RANBP2: variants seen among roughly 807,000 people sequenced by gnomAD.
RANBP2 encodes RAN binding protein 2.
A neutral mutation model predicts 303.6 loss-of-function variants in RANBP2; 57 were observed. The ratio of observed to expected loss-of-function variants is 0.19; its 90% confidence interval spans 0.15 to 0.23. The LOEUF (loss-of-function observed/expected upper bound fraction) is 0.23. Among genes scored for constraint, RANBP2 ranks in the 10% least tolerant of loss-of-function variants. RANBP2 has a pLI of 1.00. For synonymous variants in RANBP2, 1,167 were observed against 1,301.5 expected, an observed-to-expected ratio of 0.90 and a Z score of 2.23; for missense variants, 3,138 against 3,780.8, an observed-to-expected ratio of 0.83 and a Z score of 4.46.
chr2:108,792,842 A>G, the RANBP2 span, among the ~76,000 whole-genome samples: 3 of 152,124 alleles, frequency 2.0e-5, no homozygotes, highest in East Asian at 5.8e-4. Flanking sequence ...AGGCGGGTGG[A>G]TCACGAGGTC....
the RANBP2 span, among the ~76,000 whole-genome samples, chr2:108,820,612 G>A: frequency 1.3e-5 from 2 of 150,264 alleles, no homozygotes; most frequent in South Asian, 4.2e-4. Flanking sequence ...AGCTGGTCAC[G>A]TTCAAGGGAG....
chr2:109,169,297 G>T, the RANBP2 span, among the ~76,000 whole-genome samples: 9 of 151,780 alleles, frequency 5.9e-5, no homozygotes, highest in African/African-American at 2.2e-4. Context: ...TATTATTTTT[G>T]CCAAGTTCAT....
the RANBP2 span, among the ~76,000 whole-genome samples, chr2:109,391,481 C>T: frequency 6.6e-6 from 1 of 152,234 alleles, no homozygotes; most frequent in Non-Finnish European, 1.5e-5. Context: ...ACACAGGTCT[C>T]CAGCACACTC....
the RANBP2 span, among the ~76,000 whole-genome samples, chr2:109,422,745 T>C: frequency 6.6e-6 from 1 of 152,132 alleles, no homozygotes; most frequent in African/African-American, 2.4e-5. Flanking sequence ...GTTGATGAAA[T>C]GCTGTGAGTA....
chr2:109,002,169 G>C, the RANBP2 span, among the ~76,000 whole-genome samples: 1 of 152,238 alleles, frequency 6.6e-6, no homozygotes, highest in African/African-American at 2.4e-5. Context: ...CCTGCCTCCA[G>C]GCGATGCTTC....
chr2:109,441,380 A>G, the RANBP2 span, among the ~76,000 whole-genome samples: 1 of 152,242 alleles, frequency 6.6e-6, no homozygotes, highest in Non-Finnish European at 1.5e-5. Context: ...ACTTCTAGAA[A>G]TAAAAACTAC....
chr2:109,546,195 C>A, the RANBP2 span: 2 of 1,604,624 alleles, frequency 1.2e-6, no homozygotes, highest in Non-Finnish European at 1.7e-6. Flanking sequence ...TTCATTCTCT[C>A]TTCTTGGTGA....
At chr2:109,667,380 G>C in the RANBP2 span, 1 of 460,694 alleles carries the variant, frequency 2.2e-6, no homozygotes, top group Middle Eastern at 3.6e-4. Flanking sequence ...ACTCAGTTTT[G>C]ATCAGGAGGG....
chr2:108,886,971 G>C, the RANBP2 span, among the ~76,000 whole-genome samples: 503 of 152,140 alleles, frequency 3.3e-3, 1 homozygote, highest in African/African-American at 0.011. Flanking sequence ...CTTTCCCTGA[G>C]AGTTTTCCCT....
At chr2:109,166,417 TG>T in the RANBP2 span, among the ~76,000 whole-genome samples, 1 of 146,462 alleles carries the variant, frequency 6.8e-6, no homozygotes, top group Non-Finnish European at 1.5e-5. Flanking sequence ...GCGGAGGTTG[TG>T]GTGAGCTGAG....
the RANBP2 span, among the ~76,000 whole-genome samples, chr2:108,978,381 TC>T: frequency 6.6e-6 from 1 of 152,150 alleles, no homozygotes; most frequent in Admixed American, 6.5e-5. Flanking sequence ...TACAAAAAGC[TC>T]AGTAAAAAAA....
chr2:109,116,138 T>C, the RANBP2 span, among the ~76,000 whole-genome samples: 10 of 152,310 alleles, frequency 6.6e-5, no homozygotes, highest in East Asian at 1.7e-3. Context: ...GGAGTATCTT[T>C]GTGGCGTTCT....
the RANBP2 span, among the ~76,000 whole-genome samples, chr2:109,633,287 G>A: frequency 6.6e-6 from 1 of 152,084 alleles, no homozygotes; most frequent in African/African-American, 2.4e-5. Flanking sequence ...CAGCTACTCG[G>A]GAGGCTGAGG....
chr2:109,552,998 G>C, the RANBP2 span: 1 of 1,460,826 alleles, frequency 6.8e-7, no homozygotes, highest in South Asian at 1.3e-5. Flanking sequence ...GCCTACAAAA[G>C]AGTCTCAAGC....
the RANBP2 span, among the ~76,000 whole-genome samples, chr2:109,142,655 C>T: frequency 6.6e-6 from 1 of 152,112 alleles, no homozygotes; most frequent in Non-Finnish European, 1.5e-5. Flanking sequence ...CATCTTGGAG[C>T]CCTCCATCCT....
the RANBP2 span, among the ~76,000 whole-genome samples, chr2:109,727,496 A>AT: frequency 6.6e-6 from 1 of 152,316 alleles, no homozygotes; most frequent in South Asian, 2.1e-4. Context: ...CACTACATGT[A>AT]CCTGCTCAAT....
chr2:109,207,724 C>T, the RANBP2 span, among the ~76,000 whole-genome samples: 2 of 152,242 alleles, frequency 1.3e-5, no homozygotes, highest in East Asian at 3.9e-4. Flanking sequence ...GGAAGACTTA[C>T]CTGAGACTGA....
At chr2:109,252,648 G>A in the RANBP2 span, among the ~76,000 whole-genome samples, 4 of 152,206 alleles carry the variant, frequency 2.6e-5, no homozygotes, top group African/African-American at 9.7e-5. Flanking sequence ...GAAAACGCAT[G>A]TAATACACCA....
At chr2:109,612,398 A>G in the RANBP2 span, among the ~76,000 whole-genome samples, 1 of 152,194 alleles carries the variant, frequency 6.6e-6, no homozygotes. Flanking sequence ...GTATCAATCA[A>G]TGACAATATG....
Sources: gnomAD v4.1 joint callset for allele counts (sites outside exome capture counted in the v4.1 genomes callset) on GRCh38, gnomAD v4.1.1 for gene constraint, MANE v1.5 for transcripts, NCBI Gene and HGNC (gene_info 2026-07-23, HGNC 2026-07-21) for gene names.